MCPH1: variants seen among roughly 807,000 people sequenced by gnomAD.
The protein encoded by MCPH1 is microcephalin.
In MCPH1, 104 loss-of-function variants were observed where a neutral mutation model predicts 84.5. The ratio of observed to expected loss-of-function variants is 1.23; its 90% confidence interval spans 1.05 to 1.45. The LOEUF is 1.45. Among genes scored for constraint, MCPH1 ranks in the 40% most tolerant of loss-of-function variants. MCPH1 has a pLI of 0.00. For synonymous variants in MCPH1, 514 were observed against 366.8 expected (o/e 1.40, Z -4.58); for missense variants, 1,498 against 1,005.7 (o/e 1.49, Z -6.62).
intron 3 of MCPH1, among the ~76,000 whole-genome samples, chr8:6,430,100 C>T (rs1032503899): frequency 3.9e-5 from 6 of 152,212 alleles, no homozygotes; most frequent in African/African-American, 1.2e-4. Context: ...CATCTGCCTC[C>T]TTGTCAGAGT....
intron 13 of MCPH1, among the ~76,000 whole-genome samples, chr8:6,627,493 T>G (rs1393161098): frequency 6.6e-6 from 1 of 152,228 alleles, no homozygotes; most frequent in African/African-American, 2.4e-5. Context: ...TATTTTTCCT[T>G]TGAGTTGTTC....
chr8:6,485,180 C>T (rs1411201311), intron 11 of MCPH1, among the ~76,000 whole-genome samples: 4 of 152,014 alleles, frequency 2.6e-5, no homozygotes, highest in Non-Finnish European at 5.9e-5. Context: ...GAAAAATTAG[C>T]TGGGCACGGT....
chr8:6,626,347 T>C (rs1832072561), intron 13 of MCPH1: 1 of 985,222 alleles, frequency 1.0e-6, no homozygotes, highest in Admixed American at 6.2e-5. Context: ...GGAAAGGGCA[T>C]GATTACGTTC....
At chr8:6,616,490 C>T (rs556409781) in intron 12 of MCPH1, 1 of 152,198 alleles carries the variant, frequency 6.6e-6, no homozygotes, top group Non-Finnish European at 1.5e-5. Flanking sequence ...AGCTAAAACC[C>T]ATTAAATCAG....
intron 7 of MCPH1, among the ~76,000 whole-genome samples, chr8:6,443,653 G>C (rs7843094): frequency 0.068 from 10,319 of 152,298 alleles, 865 homozygotes; most frequent in African/African-American, 0.2. Context: ...CCATGGGGCA[G>C]TATGATGCAT....
intron 6 of MCPH1, among the ~76,000 whole-genome samples, chr8:6,439,804 G>A (rs1288821814): frequency 6.6e-6 from 1 of 152,138 alleles, no homozygotes; most frequent in Admixed American, 6.5e-5. Context: ...AATTACTGAA[G>A]TGTAATTCAC....
At position 6,528,852 on chromosome 8, in the gene MCPH1, C is replaced by T. The variant is rs193293890; in HGVS notation, c.2214+28923C>T. ...CCACAGCGTGGGTTTCAGGGATGGT[C>T]TTATCCTTAGAGCTGGTTTAGTTCT... On this transcript the variant is annotated intron_variant, in intron 12 of 13. Coordinates refer to ENST00000344683, the MANE Select transcript of MCPH1 (RefSeq NM_024596.5). 3.9e-5 allele frequency among the ~76,000 whole-genome samples: 6 copies of T among 152,348 alleles called. No homozygotes were observed. In the East Asian group the frequency reaches 1.2e-3, roughly 29 times the overall value.
In MCPH1 at chr8:6,444,645, G is replaced by A. The variant is rs767364573; in HGVS notation, c.923G>A (p.Gly308Asp). 3.1e-6 allele frequency: 5 copies of A among 1,614,112 alleles called. No individual in the cohort carries two copies. In the South Asian group the frequency reaches 3.3e-5, roughly 11 times the overall value. Reference protein sequence around the residue: ...EEINLQRNIAGKVVTPDQKQA... With the variant: ...EEINLQRNIADKVVTPDQKQA... ...ATAAACTTGCAAAGAAATATTGCAG[G>A]TAAAGTAGTCACCCCTGACCAAAAG... The change falls in exon 8 of 14, where the codon GGT becomes GAT. Residue 308 changes from glycine (G) to aspartate (D), a missense_variant. By Grantham distance (94) the Gly-to-Asp change is moderately conservative. Transcript: ENST00000344683.
rs564294413 is a variant in MCPH1, at chr8:6,480,998, G to A, written c.2136+122G>A. The A allele has an allele frequency of 2.5e-6, 3 of 1,193,798 alleles. No homozygotes were observed. The African/African-American group carries it at 4.5e-5, about 18-fold the overall frequency. 74.0% of individuals were successfully genotyped at this position (1,193,798 alleles called of 1,614,324 possible). A position where few individuals can be genotyped will look rare whatever the true frequency, so the allele number is the denominator to read the frequency against. Reference sequence around the variant, plus strand: ...CCCTTGTGGATCTGCACACTTTCCTGTGAGCTGGGAACACCCGTCTTTCCT... The same window carrying A: ...CCCTTGTGGATCTGCACACTTTCCTATGAGCTGGGAACACCCGTCTTTCCT... On this transcript the variant is annotated intron_variant, in intron 11 of 13. Coordinates refer to ENST00000344683, the MANE Select transcript of MCPH1 (RefSeq NM_024596.5).
chr8:6,558,963 C>G (rs1488509843), intron 12 of MCPH1, among the ~76,000 whole-genome samples: 1 of 151,864 alleles, frequency 6.6e-6, no homozygotes, highest in Admixed American at 6.6e-5. Flanking sequence ...GTTGCAGTTC[C>G]CCTACCATAG....
intron 8 of MCPH1, chr8:6,445,971 T>C (rs1804304111): frequency 3.1e-6 from 3 of 981,416 alleles, no homozygotes; most frequent in Non-Finnish European, 3.6e-6. Flanking sequence ...TAAGGTAGAT[T>C]AAGCCATCGA....
At position 6,498,992 on chromosome 8, in the gene MCPH1, C is replaced by T. The variant is rs545372315; in HGVS notation, c.2137-860C>T. ...GCTTGAACCTGGGAGGTGGAGGTTG[C>T]AGTGAGCTGAGATTGCACCACTGCA... On this transcript the variant is annotated intron_variant, in intron 11 of 13. Coordinates refer to ENST00000344683, the MANE Select transcript of MCPH1 (RefSeq NM_024596.5). 3.3e-5 allele frequency among the ~76,000 whole-genome samples: 5 copies of T among 151,944 alleles called. No individual in the cohort carries two copies. The East Asian group carries it at 9.7e-4, about 29-fold the overall frequency.
chr8:6,509,187 C>G, intron 12 of MCPH1: 1 of 1,234,414 alleles, frequency 8.1e-7, no homozygotes, highest in Non-Finnish European at 1.1e-6. Flanking sequence ...TGGACTAATG[C>G]ATACTCTGGA....
chr8:6,471,302 G>T (rs1807685848), intron 9 of MCPH1, among the ~76,000 whole-genome samples: 1 of 152,158 alleles, frequency 6.6e-6, no homozygotes, highest in African/African-American at 2.4e-5. Context: ...TCCAGCAAAG[G>T]CCATGGTTGC....
intron 8 of MCPH1, chr8:6,445,819 A>G (rs1208390171): frequency 6.7e-6 from 8 of 1,191,020 alleles, no homozygotes; most frequent in Non-Finnish European, 6.2e-6. Context: ...TAAGTAGTCC[A>G]TAGTATGAAT....
At chr8:6,459,948 G>A (rs981716531) in intron 9 of MCPH1, among the ~76,000 whole-genome samples, 2 of 152,224 alleles carry the variant, frequency 1.3e-5, no homozygotes, top group African/African-American at 2.4e-5. Flanking sequence ...GCAGAACCGC[G>A]AGAAGAGAGA....
At chr8:6,512,947 A>G (rs966577549) in intron 12 of MCPH1, among the ~76,000 whole-genome samples, 1 of 152,206 alleles carries the variant, frequency 6.6e-6, no homozygotes, top group Admixed American at 6.5e-5. Context: ...ATTGAAGACA[A>G]TTGAATGTGT....
intron 12 of MCPH1, among the ~76,000 whole-genome samples, chr8:6,526,497 C>G (rs771660910): frequency 2.6e-5 from 4 of 151,770 alleles, no homozygotes; most frequent in African/African-American, 4.8e-5. Flanking sequence ...TGATTGGTCT[C>G]AAATGTTCAT....
chr8:6,512,665 C>T (rs73199035), intron 12 of MCPH1, among the ~76,000 whole-genome samples: 1 of 152,122 alleles, frequency 6.6e-6, no homozygotes, highest in Admixed American at 6.5e-5. Context: ...GTGCATGTGG[C>T]TTCACCGTAC....
Sources: allele counts gnomAD v4.1 joint callset (sites outside exome capture counted in the v4.1 genomes callset), GRCh38; gene constraint gnomAD v4.1.1; transcripts MANE v1.5; gene names NCBI Gene and HGNC (gene_info 2026-07-23, HGNC 2026-07-21).